Variants in BABAM2 observed in about 807,000 individuals in gnomAD.
BABAM2 encodes BRISC and BRCA1 A complex member 2, also known as BRISC and BRCA1-A complex member 2.
In BABAM2, 31 loss-of-function variants were observed where a neutral mutation model predicts 54.7. The observed-to-expected ratio is 0.57, with a 90% confidence interval of 0.43 to 0.77. The LOEUF is 0.77. BABAM2 is among the 30% of genes least tolerant of loss of function. The pLI is 0.00. For missense variants in BABAM2, 364 were observed against 455.8 expected, an observed-to-expected ratio of 0.80 and a Z score of 1.83; for synonymous variants, 167 against 162.9, an observed-to-expected ratio of 1.03 and a Z score of -0.19.
At chr2:28,080,543 C>G (rs1314168530) in intron 6 of BABAM2, among the ~76,000 whole-genome samples, 1 of 152,110 alleles carries the variant, frequency 6.6e-6, no homozygotes, top group African/African-American at 2.4e-5. Flanking sequence ...AGATGAGATA[C>G]TAGTCTGATG....
At chr2:28,177,566 G>T (rs1675140997) in intron 7 of BABAM2, among the ~76,000 whole-genome samples, 1 of 152,082 alleles carries the variant, frequency 6.6e-6, no homozygotes, top group East Asian at 1.9e-4. Flanking sequence ...AACAATAATA[G>T]AGAAAGAAAC....
At chr2:28,251,725 C>T (rs7588552) in intron 10 of BABAM2, among the ~76,000 whole-genome samples, 147,046 of 152,306 alleles carry the variant, frequency 0.97, 71,193 homozygotes, top group Middle Eastern at 1. Context: ...AAGGAATATA[C>T]TTGAAAAGCA....
chr2:27,944,396 A>G (rs1439597051), intron 3 of BABAM2, among the ~76,000 whole-genome samples: 1 of 152,150 alleles, frequency 6.6e-6, no homozygotes, highest in African/African-American at 2.4e-5. Context: ...CCCCTCCACC[A>G]CCTTCCTCTT....
At chr2:28,297,895 T>C (rs1687824020) in intron 10 of BABAM2, among the ~76,000 whole-genome samples, 1 of 152,186 alleles carries the variant, frequency 6.6e-6, no homozygotes, top group Non-Finnish European at 1.5e-5. Flanking sequence ...CATCAAATTA[T>C]AGATGTGGAA....
intron 2 of BABAM2, among the ~76,000 whole-genome samples, chr2:27,906,440 T>C (rs1666193646): frequency 6.6e-6 from 1 of 152,226 alleles, no homozygotes; most frequent in African/African-American, 2.4e-5. Flanking sequence ...TTAAACAGTT[T>C]ATGAGCCTTT....
chr2:28,163,283 A>T (rs1673289466), intron 7 of BABAM2, among the ~76,000 whole-genome samples: 1 of 152,140 alleles, frequency 6.6e-6, no homozygotes, highest in Admixed American at 6.5e-5. Context: ...GTGGGCCAGG[A>T]TCAGCTTGAG....
chr2:28,045,660 C>A, intron 5 of BABAM2, 65 bp from the exon 6 acceptor site: 1 of 1,406,978 alleles, frequency 7.1e-7, no homozygotes, highest in Non-Finnish European at 9.8e-7. Context: ...GTGGCCTTGG[C>A]TATAATTGTC....
intron 7 of BABAM2, among the ~76,000 whole-genome samples, chr2:28,157,688 T>C (rs548482660): frequency 6.6e-5 from 10 of 152,312 alleles, no homozygotes; most frequent in African/African-American, 1.2e-4. Flanking sequence ...CTCGGCTCAC[T>C]GCAACCTCCA....
Position 28,013,382 on chromosome 2 carries a change from G to C in BABAM2, c.301-11844G>C, listed in dbSNP as rs549084092. Reference sequence around the variant, plus strand: ...TTGGCTTACCTAGCAACTGGGTGAGGCTGCCTACTGAATGGCATTTTGAAA... The same window carrying C: ...TTGGCTTACCTAGCAACTGGGTGAGCCTGCCTACTGAATGGCATTTTGAAA... On this transcript the variant is annotated intron_variant, in intron 4 of 11. Transcript: ENST00000379624. 136 of 455,568 alleles carry C rather than the reference G, an allele frequency of 3.0e-4. 4 individuals carry two copies. The highest frequency in any genetic ancestry group is 2.1e-3 in the South Asian group (135 of 64,500). The allele number at this position is 455,568 out of a possible 1,614,324, so 28.2% of individuals were successfully genotyped here.
chr2:28,237,746 C>T (rs951991855), intron 8 of BABAM2, among the ~76,000 whole-genome samples: 1 of 152,218 alleles, frequency 6.6e-6, no homozygotes, highest in Non-Finnish European at 1.5e-5. Flanking sequence ...CTCTGTGTTT[C>T]TGTACCTTAC....
At chr2:28,245,211 T>A (rs1682808619) in intron 10 of BABAM2, among the ~76,000 whole-genome samples, 1 of 152,026 alleles carries the variant, frequency 6.6e-6, no homozygotes, top group African/African-American at 2.4e-5. Context: ...ACACAAAAAA[T>A]TATTGAATGC....
chr2:28,164,934 G>A (rs941802057), intron 7 of BABAM2, among the ~76,000 whole-genome samples: 1 of 152,074 alleles, frequency 6.6e-6, no homozygotes, highest in African/African-American at 2.4e-5. Flanking sequence ...CTTAAGTTTG[G>A]TGAGTACCAT....
At chr2:28,294,950 A>G (rs935459881) in intron 10 of BABAM2, among the ~76,000 whole-genome samples, 20 of 152,208 alleles carry the variant, frequency 1.3e-4, no homozygotes. Flanking sequence ...ACAAATCTCC[A>G]TGGAGAAATA....
intron 7 of BABAM2, among the ~76,000 whole-genome samples, chr2:28,219,356 T>C (rs1218404275): frequency 6.6e-6 from 1 of 152,220 alleles, no homozygotes; most frequent in Non-Finnish European, 1.5e-5. Flanking sequence ...AAGTTTTTCC[T>C]GCCTCTTCTT....
chr2:28,176,631 T>C (rs1388120320), intron 7 of BABAM2, among the ~76,000 whole-genome samples: 4 of 86,728 alleles, frequency 4.6e-5, no homozygotes, highest in Non-Finnish European at 9.9e-5. Context: ...AGATAAACCG[T>C]ACAAAGAAAT....
chr2:27,961,922 G>T (rs1007087042), intron 3 of BABAM2, among the ~76,000 whole-genome samples: 1 of 151,564 alleles, frequency 6.6e-6, no homozygotes, highest in Non-Finnish European at 1.5e-5. Flanking sequence ...TAGAGATGGG[G>T]TCTCACTATG....
intron 3 of BABAM2, among the ~76,000 whole-genome samples, chr2:27,958,402 A>G (rs1670240066): frequency 6.6e-6 from 1 of 151,774 alleles, no homozygotes; most frequent in Admixed American, 6.6e-5. Context: ...TGAGGAATTC[A>G]CAACTGATGA....
Position 28,235,214 on chromosome 2 carries a change from C to T in BABAM2, c.681-1988C>T, listed in dbSNP as rs866016636. Reference sequence around the variant, plus strand: ...TTTTGAGATGGAGTCTCACTTTTATCGCCCGGGCTGGAGTGCAGTGTCACG... The same window carrying T: ...TTTTGAGATGGAGTCTCACTTTTATTGCCCGGGCTGGAGTGCAGTGTCACG... On this transcript the variant is annotated intron_variant, in intron 7 of 11. Coordinates refer to ENST00000379624, the MANE Select transcript of BABAM2 (RefSeq NM_199191.3). 3.3e-5 allele frequency among the ~76,000 whole-genome samples: 5 copies of T among 152,260 alleles called. No individual in the cohort carries two copies. The Middle Eastern group carries it at 0.017, about 518-fold the overall frequency.
chr2:28,307,391 T>C (rs1688652599), intron 11 of BABAM2, among the ~76,000 whole-genome samples: 2 of 151,676 alleles, frequency 1.3e-5, no homozygotes, highest in Non-Finnish European at 2.9e-5. Flanking sequence ...TCTATTCATA[T>C]TTTTGGTTTG....
Sources: allele counts gnomAD v4.1 joint callset (sites outside exome capture counted in the v4.1 genomes callset), GRCh38; gene constraint gnomAD v4.1.1; transcripts MANE v1.5; gene names NCBI Gene and HGNC (gene_info 2026-07-23, HGNC 2026-07-21).